The following TMTC1 variants were observed in gnomAD, a reference collection of about 807,000 sequenced individuals.
TMTC1 encodes transmembrane O-mannosyltransferase targeting cadherins 1.
A neutral mutation model predicts 104.8 loss-of-function variants in TMTC1; 73 were observed. The ratio of observed to expected loss-of-function variants is 0.70; its 90% CI spans 0.58 to 0.85. The LOEUF is 0.85. Ranked by LOEUF, TMTC1 falls within the 40% of genes least tolerant of loss-of-function variation. The pLI, the probability that TMTC1 is intolerant of heterozygous loss-of-function variation, is 0.00. For missense variants in TMTC1, 1,035 were observed against 1,096.1 expected, an observed-to-expected ratio of 0.94 and a Z score of 0.79; for synonymous variants, 434 against 428.7, an observed-to-expected ratio of 1.01 and a Z score of -0.15.
chr12:29,642,752 C>T (rs1394062143), intron 5 of TMTC1, among the ~76,000 whole-genome samples: 3 of 151,936 alleles, frequency 2.0e-5, no homozygotes, highest in African/African-American at 2.4e-5. Flanking sequence ...GGTGAAACCC[C>T]GTCTCCACTA....
chr12:29,643,964 C>G (rs7136906), intron 5 of TMTC1, among the ~76,000 whole-genome samples: 3 of 92,252 alleles, frequency 3.3e-5, no homozygotes, highest in Non-Finnish European at 6.0e-5. Flanking sequence ...TTTATATATA[C>G]TTACATATAA....
rs762311030 is a variant in TMTC1 at position 29,520,637 on chromosome 12, C to T, written c.1869G>A (p.Gly623=). ...ACTTACCAGTATCAACTAAGAAAAC[C>T]CCATAGTTGTTGTGTAAATCTGAGC... ...PDSSDLHNNY[G]VFLVDTGLPE... The change falls in exon 12 of 18, where the codon GGG becomes GGA. Residue 623 remains glycine (G), a synonymous_variant. Coordinates refer to ENST00000539277, the MANE Select transcript of TMTC1 (RefSeq NM_001193451.2). 8.1e-6 allele frequency: 13 copies of T among 1,612,580 alleles called. No individual in the cohort carries two copies. Among genetic ancestry groups the T allele is most frequent in the Non-Finnish European group, 8.5e-7 (1 of 1,179,328 alleles).
intron 5 of TMTC1, among the ~76,000 whole-genome samples, chr12:29,688,952 G>T (rs1464261588): frequency 4.6e-5 from 7 of 152,202 alleles, no homozygotes. Context: ...TAAGAAAAGT[G>T]TCAGGTGGGC....
At chr12:29,700,966 G>A (rs1218053267) in intron 5 of TMTC1, among the ~76,000 whole-genome samples, 1 of 151,900 alleles carries the variant, frequency 6.6e-6, no homozygotes, top group African/African-American at 2.4e-5. Context: ...TTGCAAGTTT[G>A]GGGGTTTGTT....
chr12:29,707,441 C>T (rs1362922310), intron 5 of TMTC1, among the ~76,000 whole-genome samples: 1 of 152,196 alleles, frequency 6.6e-6, no homozygotes, highest in Non-Finnish European at 1.5e-5. Flanking sequence ...ATCTCCCCCG[C>T]CTCTGCTCTT....
chr12:29,672,004 T>G (rs73271729), intron 5 of TMTC1, among the ~76,000 whole-genome samples: 1,649 of 152,278 alleles, frequency 0.011, 36 homozygotes, highest in African/African-American at 0.038. Context: ...CCTCTCCTCC[T>G]GTATATGGGG....
At chr12:29,597,054 AGGGACTGCT>A (rs1946422536) in intron 7 of TMTC1, among the ~76,000 whole-genome samples, 1 of 152,108 alleles carries the variant, frequency 6.6e-6, no homozygotes, top group South Asian at 2.1e-4. Flanking sequence ...ACCTGTTTTC[AGGGACTGCT>A]GCCTCTCTTG....
At chr12:29,718,715 T>C (rs10771574) in intron 5 of TMTC1, among the ~76,000 whole-genome samples, 77,893 of 151,714 alleles carry the variant, frequency 0.51, 21,184 homozygotes, top group African/African-American at 0.7. Context: ...GGGTGGATCA[T>C]GAGGTGAGGA....
intron 17 of TMTC1, among the ~76,000 whole-genome samples, chr12:29,508,275 T>C (rs1046706339): frequency 6.6e-6 from 1 of 152,218 alleles, no homozygotes; most frequent in South Asian, 2.1e-4. Flanking sequence ...GCTGAACAAG[T>C]GGGAACTTGC....
intron 2 of TMTC1, among the ~76,000 whole-genome samples, chr12:29,764,436 A>G (rs1475038937): frequency 6.6e-6 from 1 of 152,166 alleles, no homozygotes; most frequent in Non-Finnish European, 1.5e-5. Context: ...TGAGCCCAGG[A>G]GATGGGGGTT....
In TMTC1 at chr12:29,510,971, A is replaced by G. The variant is rs548243596; in HGVS notation, c.2508+1072T>C. 6.3e-4 allele frequency among the ~76,000 whole-genome samples: 95 copies of G among 151,904 alleles called. 1 individual carries two copies. The highest frequency in any genetic ancestry group is 4.4e-4 in the Non-Finnish European group (30 of 67,996). ...TTGCCACGCTGCCTCCTCACTTTAA[A>G]CAACAGGCGTGCTCAAACCTTAGGG... is the stretch of plus-strand genomic sequence containing the variant. On this transcript the variant is annotated intron_variant, in intron 17 of 17. Coordinates refer to ENST00000539277, the MANE Select transcript of TMTC1 (RefSeq NM_001193451.2).
At chr12:29,575,436 G>C (rs1257646374) in intron 8 of TMTC1, among the ~76,000 whole-genome samples, 3 of 151,794 alleles carry the variant, frequency 2.0e-5, no homozygotes, top group Non-Finnish European at 4.4e-5. Flanking sequence ...AAAGCCGTTG[G>C]GGAAGTATGT....
At chr12:29,586,001 T>C (rs1946123140) in intron 7 of TMTC1, among the ~76,000 whole-genome samples, 2 of 152,162 alleles carry the variant, frequency 1.3e-5, no homozygotes, top group African/African-American at 2.4e-5. Flanking sequence ...TTGATGGGGA[T>C]GGCATTGAAT....
In TMTC1 at chr12:29,685,259, A is replaced by G. The variant is rs60126019; in HGVS notation, c.939-51923T>C. Among the ~76,000 whole-genome samples, 796 of 152,246 alleles carry G rather than the reference A, an allele frequency of 5.2e-3. 6 individuals carry two copies. Among genetic ancestry groups the G allele is most frequent in the African/African-American group, 0.018 (758 of 41,550 alleles). ...TCCCAGGCACAGTACAAAACAGTCTACACGTAAGAATTCAAACCTATCCTA... is the reference window on the plus strand; with the variant it reads ...TCCCAGGCACAGTACAAAACAGTCTGCACGTAAGAATTCAAACCTATCCTA... On this transcript the variant is annotated intron_variant, in intron 5 of 17. Coordinates refer to ENST00000539277, the MANE Select transcript of TMTC1 (RefSeq NM_001193451.2).
intron 6 of TMTC1, among the ~76,000 whole-genome samples, chr12:29,619,628 CCTGA>C (rs1473914073): frequency 6.6e-6 from 1 of 152,154 alleles, no homozygotes. Flanking sequence ...TTTCTTAAAT[CCTGA>C]CTATTTTCAC....
chr12:29,686,292 C>T (rs937438665), intron 5 of TMTC1, among the ~76,000 whole-genome samples: 1 of 152,180 alleles, frequency 6.6e-6, no homozygotes, highest in African/African-American at 2.4e-5. Context: ...ATTTCTTTCA[C>T]TAACATATTT....
At chr12:29,737,222 A>G (rs912263198) in intron 5 of TMTC1, among the ~76,000 whole-genome samples, 12 of 152,212 alleles carry the variant, frequency 7.9e-5, no homozygotes, top group African/African-American at 2.9e-4. Context: ...AGCACCCAAC[A>G]TGCAAAACAG....
intron 9 of TMTC1, among the ~76,000 whole-genome samples, chr12:29,561,849 T>A (rs1185931981): frequency 2.0e-5 from 3 of 152,202 alleles, no homozygotes; most frequent in Non-Finnish European, 4.4e-5. Context: ...CCGATTTTCA[T>A]ACCACACATT....
chr12:29,502,946 C>G lies in TMTC1; in HGVS notation c.*3900G>C, dbSNP rs967986588. On this transcript the variant is annotated 3_prime_UTR_variant, in exon 18 of 18. Coordinates refer to ENST00000539277, the MANE Select transcript of TMTC1 (RefSeq NM_001193451.2). ...GATGTCAACTATCAGCTGAATGTAGCTCTTCAATCTGAGAACCTGGAATGT... is the reference window on the plus strand; with the variant it reads ...GATGTCAACTATCAGCTGAATGTAGGTCTTCAATCTGAGAACCTGGAATGT... 6.6e-6 allele frequency: 1 copy of G among 152,172 alleles called. No individual in the cohort carries two copies. The highest frequency in any genetic ancestry group is 2.4e-5 in the African/African-American group (1 of 41,452). 9.4% of individuals were successfully genotyped at this position (152,172 alleles called of 1,614,324 possible).
Sources: allele counts gnomAD v4.1 joint callset (sites outside exome capture counted in the v4.1 genomes callset), GRCh38; gene constraint gnomAD v4.1.1; transcripts MANE v1.5; gene names NCBI Gene and HGNC (gene_info 2026-07-23, HGNC 2026-07-21).